The following PCCB variants were observed in gnomAD, a reference collection of about 807,000 sequenced individuals.
The protein encoded by PCCB is propionyl-CoA carboxylase subunit beta, also known as propionyl-CoA carboxylase beta chain, mitochondrial.
PCCB carries 43 observed loss-of-function variants against 60.7 expected under a neutral mutation model. That is an observed-to-expected ratio of 0.71 (90% CI 0.55 to 0.91). The LOEUF is 0.91. PCCB is among the 40% of genes least tolerant of loss of function. The probability of loss-of-function intolerance (pLI) is 0.00; values close to 1 mark genes in which losing one functional copy is unlikely to be tolerated. For missense variants in PCCB, 766 were observed against 702.8 expected (o/e 1.09, Z -1.02); for synonymous variants, 276 against 255.9 (o/e 1.08, Z -0.75).
chr3:136,319,843 C>T (rs1935048992), intron 10 of PCCB, among the ~76,000 whole-genome samples: 3 of 152,064 alleles, frequency 2.0e-5, no homozygotes, highest in Admixed American at 2.0e-4. Context: ...CGGTTTTAGC[C>T]CTTACATTTA....
chr3:136,300,722 C>T (rs1934237009), intron 8 of PCCB, among the ~76,000 whole-genome samples: 3 of 152,104 alleles, frequency 2.0e-5, no homozygotes, highest in Non-Finnish European at 4.4e-5. Context: ...CCTTCAGTGC[C>T]CTACACGGTA....
chr3:136,256,014 T>C, intron 2 of PCCB, 39 bp downstream of exon 2: 2 of 1,613,912 alleles, frequency 1.2e-6, no homozygotes, highest in Non-Finnish European at 1.7e-6. Context: ...TTTTTAGGTG[T>C]GGCTCAGCTG....
At chr3:136,309,678 T>C (rs939853931) in intron 9 of PCCB, among the ~76,000 whole-genome samples, 4 of 152,018 alleles carry the variant, frequency 2.6e-5, no homozygotes, top group African/African-American at 7.3e-5. Flanking sequence ...CATGCACCTA[T>C]AGTCCCAGCT....
chr3:136,275,928 G>A (rs1396355708), intron 5 of PCCB, among the ~76,000 whole-genome samples: 5 of 152,128 alleles, frequency 3.3e-5, no homozygotes, highest in East Asian at 1.9e-4. Context: ...GCACCACTAC[G>A]CCTGGCTAAT....
intron 5 of PCCB, among the ~76,000 whole-genome samples, chr3:136,276,477 C>T (rs1379252674): frequency 2.6e-5 from 4 of 152,080 alleles, no homozygotes; most frequent in South Asian, 2.1e-4. Flanking sequence ...TCCAGCTATT[C>T]GGATCAGACA....
intron 8 of PCCB, among the ~76,000 whole-genome samples, chr3:136,299,625 G>T (rs1188057694): frequency 4.2e-4 from 28 of 67,048 alleles, no homozygotes; most frequent in East Asian, 1.1e-3. Context: ...TGTATGTATA[G>T]GTATGCATGT....
chr3:136,301,623 A>C (rs1279972917), intron 9 of PCCB, among the ~76,000 whole-genome samples: 2 of 152,024 alleles, frequency 1.3e-5, no homozygotes, highest in Non-Finnish European at 2.9e-5. Context: ...AGTGTTGGGC[A>C]AACTGAAGGC....
At chr3:136,286,060 A>T (rs1933387798) in intron 6 of PCCB, among the ~76,000 whole-genome samples, 1 of 152,248 alleles carries the variant, frequency 6.6e-6, no homozygotes, top group Non-Finnish European at 1.5e-5. Flanking sequence ...AGGTGCCAGG[A>T]TATAAAACTA....
chr3:136,278,857 A>G (rs1942400373), intron 5 of PCCB, among the ~76,000 whole-genome samples: 2 of 152,154 alleles, frequency 1.3e-5, no homozygotes, highest in Non-Finnish European at 2.9e-5. Flanking sequence ...TCTTCTGTCT[A>G]GTTGTTCTGT....
At chr3:136,326,962 GC>G in intron 11 of PCCB, 52 bp downstream of exon 11, 5 of 1,267,960 alleles carry the variant, frequency 3.9e-6, no homozygotes, top group Non-Finnish European at 5.8e-6. Context: ...CCAGTAAGGT[GC>G]CCACTTTATT....
Position 136,266,131 on chromosome 3 carries a change from GT to G in PCCB, c.543+4081del, listed in dbSNP as rs757902404. Reference sequence around the variant, plus strand: ...TGAGCCACCACCATGCCCAGCCTTGGTTTTTTTTTTTTTTTGAGATGGAGTC... The same window carrying G: ...TGAGCCACCACCATGCCCAGCCTTGGTTTTTTTTTTTTTTGAGATGGAGTC... On this transcript the variant is annotated intron_variant, in intron 5 of 14. Coordinates refer to ENST00000251654, the MANE Select transcript of PCCB (RefSeq NM_000532.5). 8.6e-4 allele frequency among the ~76,000 whole-genome samples: 107 copies of G among 124,868 alleles called. 1 individual carries two copies. The highest frequency in any genetic ancestry group is 1.0e-3 in the South Asian group (4 of 3,912). The allele number at this position is 124,868 out of a possible 152,430, so 81.9% of individuals were successfully genotyped here. A position where few individuals can be genotyped will look rare whatever the true frequency, so the allele number is the denominator to read the frequency against.
At chr3:136,277,517 G>A (rs1477420267) in intron 5 of PCCB, among the ~76,000 whole-genome samples, 1 of 152,092 alleles carries the variant, frequency 6.6e-6, no homozygotes. Flanking sequence ...ACCAGGGTGG[G>A]TGGAGGGGTA....
chr3:136,270,596 T>G (rs990272508), intron 5 of PCCB, among the ~76,000 whole-genome samples: 4 of 152,072 alleles, frequency 2.6e-5, no homozygotes, highest in Non-Finnish European at 5.9e-5. Context: ...GTCTCCACCT[T>G]GTGGGTTAAA....
At chr3:136,279,239 T>G (rs1942411004) in intron 5 of PCCB, among the ~76,000 whole-genome samples, 1 of 152,214 alleles carries the variant, frequency 6.6e-6, no homozygotes, top group African/African-American at 2.4e-5. Flanking sequence ...GTATGCAATC[T>G]GTCAATCCCT....
chr3:136,303,865 A>G (rs1228533807), intron 9 of PCCB, among the ~76,000 whole-genome samples: 1 of 122,678 alleles, frequency 8.2e-6, no homozygotes, highest in Non-Finnish European at 1.8e-5. Flanking sequence ...TGGCCCCACA[A>G]AGTGCTGGGA....
At chr3:136,289,065 C>T (rs1397801941) in intron 6 of PCCB, among the ~76,000 whole-genome samples, 1 of 152,052 alleles carries the variant, frequency 6.6e-6, no homozygotes, top group African/African-American at 2.4e-5. Flanking sequence ...GCCATATTGT[C>T]ATAGGCTGGT....
At chr3:136,326,735 A>G in intron 10 of PCCB, 68 bp from the exon 11 acceptor site, 3 of 1,100,346 alleles carry the variant, frequency 2.7e-6, no homozygotes, top group Non-Finnish European at 4.2e-6. Flanking sequence ...TGCTGAGGAC[A>G]AATCCCCATT....
chr3:136,317,211 AATTTTTTT>A, intron 10 of PCCB, 147 bp downstream of exon 10: 3 of 322,732 alleles, frequency 9.3e-6, no homozygotes, highest in South Asian at 4.6e-5. Context: ...TATAAAAGCT[AATTTTTTT>A]TTTTTTTTTT....
chr3:136,298,142 C>T, intron 8 of PCCB, 70 bp downstream of exon 8: 3 of 1,599,168 alleles, frequency 1.9e-6, no homozygotes, highest in Non-Finnish European at 2.6e-6. Context: ...CTGACAGGAC[C>T]CCCAGGGTCT....
Sources: gnomAD v4.1 joint callset for allele counts (sites outside exome capture counted in the v4.1 genomes callset) on GRCh38, gnomAD v4.1.1 for gene constraint, MANE v1.5 for transcripts, NCBI Gene and HGNC (gene_info 2026-07-23, HGNC 2026-07-21) for gene names.